RYR2: variants seen among roughly 807,000 people sequenced by gnomAD.
RYR2 encodes cardiac muscle ryanodine receptor-calcium release channel.
A neutral mutation model predicts 601.1 loss-of-function variants in RYR2; 227 were observed. The ratio of observed to expected loss-of-function variants is 0.38; its 90% CI spans 0.34 to 0.42. The LOEUF (loss-of-function observed/expected upper bound fraction) is 0.42, where lower values mean the gene tolerates loss of function less well. Among genes scored for constraint, RYR2 ranks in the 10% least tolerant of loss-of-function variants. RYR2 has a pLI of 1.00. For synonymous variants in RYR2, 2,223 were observed against 2,175.1 expected, an observed-to-expected ratio of 1.02 and a Z score of -0.61; for missense variants, 4,646 against 6,156.5, an observed-to-expected ratio of 0.75 and a Z score of 8.21.
intron 12 of RYR2, among the ~76,000 whole-genome samples, chr1:237,425,548 C>A (rs1043825928): frequency 1.3e-5 from 2 of 151,854 alleles, no homozygotes; most frequent in African/African-American, 2.4e-5. Context: ...GCAGGAGAAT[C>A]GCTTGAACTC....
intron 8 of RYR2, among the ~76,000 whole-genome samples, chr1:237,383,923 A>G (rs17682073): frequency 0.3 from 44,969 of 152,010 alleles, 7,964 homozygotes; most frequent in Middle Eastern, 0.47. Flanking sequence ...ATTTCAGCCT[A>G]AGGCCGACTT....
At chr1:237,335,662 G>A (rs1255064819) in intron 3 of RYR2, among the ~76,000 whole-genome samples, 1 of 151,962 alleles carries the variant, frequency 6.6e-6, no homozygotes, top group African/African-American at 2.4e-5. Flanking sequence ...CACTTGACTG[G>A]GTCCCTTTAT....
At chr1:237,681,266 T>G (rs997089094) in intron 62 of RYR2, among the ~76,000 whole-genome samples, 3 of 152,190 alleles carry the variant, frequency 2.0e-5, no homozygotes, top group Non-Finnish European at 4.4e-5. Context: ...TCTATAAAAG[T>G]GAATACACAG....
At chr1:237,828,500 C>A (rs1039305814) in intron 102 of RYR2, 55 bp downstream of exon 102, 24 of 1,151,952 alleles carry the variant, frequency 2.1e-5, no homozygotes, top group Non-Finnish European at 3.0e-5. Flanking sequence ...CCTCGTTTTC[C>A]TCACTACCTT....
intron 1 of RYR2, among the ~76,000 whole-genome samples, chr1:237,182,278 C>T (rs1056714707): frequency 3.9e-5 from 6 of 152,018 alleles, no homozygotes; most frequent in South Asian, 2.1e-4. Context: ...TGCACCACCA[C>T]GCCCAGCTTA....
At chr1:237,297,256 A>C (rs1214532573) in intron 2 of RYR2, among the ~76,000 whole-genome samples, 1 of 152,210 alleles carries the variant, frequency 6.6e-6, no homozygotes, top group Non-Finnish European at 1.5e-5. Flanking sequence ...AAAGGAGGGA[A>C]AGAACAAGAC....
Position 237,635,052 on chromosome 1 carries a change from A to G in RYR2, c.6792+60A>G, listed in dbSNP as rs189023035. The G allele has an allele frequency of 1.2e-4, 154 of 1,238,896 alleles. No individual in the cohort carries two copies. In the East Asian group the frequency reaches 3.8e-3, roughly 31 times the overall value. The allele number at this position is 1,238,896 out of a possible 1,614,324, so 76.7% of individuals were successfully genotyped here. The stretch of plus-strand genomic sequence containing the variant: ...ATTATGCTTTTTCACGGTTTTCTCA[A>G]TATTTTAAATATAAGTAAGGTTGGT... On this transcript the variant is annotated intron_variant, in intron 44 of 104. Coordinates refer to ENST00000366574, the MANE Select transcript of RYR2 (RefSeq NM_001035.3).
intron 70 of RYR2, among the ~76,000 whole-genome samples, chr1:237,710,427 TA>T (rs1688732470): frequency 6.6e-6 from 1 of 152,176 alleles, no homozygotes; most frequent in South Asian, 2.1e-4. Flanking sequence ...TATGCATATT[TA>T]ATATTTGGGA....
At chr1:237,576,312 A>G (rs1168549597) in intron 29 of RYR2, among the ~76,000 whole-genome samples, 2 of 152,218 alleles carry the variant, frequency 1.3e-5, no homozygotes, top group Non-Finnish European at 2.9e-5. Context: ...TTCTGTCTAA[A>G]AGCAGTGAGG....
chr1:237,402,063 T>C (rs1358467996), intron 10 of RYR2, among the ~76,000 whole-genome samples: 1 of 152,122 alleles, frequency 6.6e-6, no homozygotes, highest in African/African-American at 2.4e-5. Flanking sequence ...AAAAGGCACA[T>C]AGATATTAGA....
At chr1:237,319,235 A>T (rs573399899) in intron 2 of RYR2, among the ~76,000 whole-genome samples, 13 of 152,080 alleles carry the variant, frequency 8.5e-5, no homozygotes, top group African/African-American at 2.7e-4. Context: ...GCTTTCCTTT[A>T]GTTCTTTAAA....
At chr1:237,806,743 A>G (rs1033877218) in intron 99 of RYR2, among the ~76,000 whole-genome samples, 4 of 152,218 alleles carry the variant, frequency 2.6e-5, no homozygotes, top group African/African-American at 9.6e-5. Context: ...TTTAAGCTGG[A>G]TATTCATGTA....
At chr1:237,182,128 T>TTTATTTATTTAC (rs1678835026) in intron 1 of RYR2, among the ~76,000 whole-genome samples, 2 of 151,674 alleles carry the variant, frequency 1.3e-5, no homozygotes, top group Non-Finnish European at 2.9e-5. Flanking sequence ...TATTTATTTA[T>TTTATTTATTTAC]TTATTTATTT....
chr1:237,525,439 GT>G (rs200240810), intron 24 of RYR2, among the ~76,000 whole-genome samples: 3 of 133,388 alleles, frequency 2.2e-5, no homozygotes, highest in Non-Finnish European at 5.2e-5. Context: ...GAGTGCAGGT[GT>G]TTTTTTTGTT....
intron 63 of RYR2, among the ~76,000 whole-genome samples, chr1:237,692,108 C>G (rs1449101404): frequency 6.6e-6 from 1 of 152,158 alleles, no homozygotes; most frequent in African/African-American, 2.4e-5. Context: ...ATGATGGTGG[C>G]ACAGGTGGTG....
intron 71 of RYR2, among the ~76,000 whole-genome samples, chr1:237,713,159 C>T (rs1007622420): frequency 2.6e-5 from 4 of 152,164 alleles, no homozygotes; most frequent in Non-Finnish European, 5.9e-5. Context: ...TATTCCTGTA[C>T]AGATACCCTT....
intron 42 of RYR2, 42 bp from the exon 43 acceptor site, chr1:237,633,536 G>C (rs1249868635): frequency 1.9e-6 from 3 of 1,612,202 alleles, no homozygotes; most frequent in Admixed American, 1.7e-5. Flanking sequence ...ATTTTATAAA[G>C]GTCGTTTGCT....
At chr1:237,504,063 C>T (rs866578118) in intron 22 of RYR2, among the ~76,000 whole-genome samples, 1 of 152,146 alleles carries the variant, frequency 6.6e-6, no homozygotes, top group East Asian at 1.9e-4. Context: ...CCCTAATGTA[C>T]GAACAGATTA....
chr1:237,059,117 C>A (rs1662537208), intron 1 of RYR2, among the ~76,000 whole-genome samples: 1 of 152,094 alleles, frequency 6.6e-6, no homozygotes, highest in Non-Finnish European at 1.5e-5. Context: ...CAGTTTCATG[C>A]AGTCACACAG....
Sources: allele counts gnomAD v4.1 joint callset (sites outside exome capture counted in the v4.1 genomes callset), GRCh38; gene constraint gnomAD v4.1.1; transcripts MANE v1.5; gene names NCBI Gene and HGNC (gene_info 2026-07-23, HGNC 2026-07-21).